Variants in DNAH10 observed in about 807,000 individuals in gnomAD.
DNAH10 encodes the protein dynein axonemal heavy chain 10.
In DNAH10, 348 loss-of-function variants were observed where a neutral mutation model predicts 506.6. That is an observed-to-expected ratio of 0.69 (90% CI 0.63 to 0.75). The LOEUF is 0.75. Ranked by LOEUF, DNAH10 falls within the 30% of genes least tolerant of loss-of-function variation. The probability of loss-of-function intolerance (pLI) is 0.00; values close to 1 mark genes in which losing one functional copy is unlikely to be tolerated. For missense variants in DNAH10, 5,179 were observed against 5,787.1 expected, an observed-to-expected ratio of 0.89 and a Z score of 3.41; for synonymous variants, 2,059 against 2,198.6, an observed-to-expected ratio of 0.94 and a Z score of 1.78.
rs1462948617 is a variant in DNAH10, at chr12:123,934,670, A to T, written c.13527A>T (p.Glu4509Asp). 6.2e-7 allele frequency: 1 copy of T among 1,613,678 alleles called. No individual in the cohort carries two copies. The highest frequency in any genetic ancestry group is 2.2e-5 in the East Asian group (1 of 44,886). ...LYLEGADWDI[E>D]KGCLIKSKPK... ...TGGAAGGTGCTGACTGGGATATAGA[A>T]AAAGGATGTCTTATCAAGAGCAAAC... Residue 4509 changes from glutamate (E) to aspartate (D), a missense_variant, in exon 78 of 79, where the codon GAA (glutamate) becomes GAT (aspartate). Physicochemically the swap from Glu to Asp is conservative, Grantham distance 45. This residue lies in a region of DNAH10 where 4,844 missense variants were observed against 5,430.5 expected (regional missense o/e 0.89). Coordinates refer to ENST00000673944, the MANE Select transcript of DNAH10 (RefSeq NM_001372106.1).
chr12:123,926,647 C>T lies in DNAH10; in HGVS notation c.11932C>T (p.Pro3978Ser). Residue 3978 changes from proline to serine, a missense_variant, in exon 69 of 79, where the codon CCC becomes TCC. Pro to Ser is a moderately conservative substitution (Grantham distance 74). Transcript: ENST00000673944. This position sits in a 1 kb window ranked among gnomAD's most constrained non-coding sequence, Gnocchi z 4.1. ...TVTMGEKYVQPPMISFEAIFE... is the reference protein window; with the variant it reads ...TVTMGEKYVQSPMISFEAIFE... ...TGTTTCTTTCACCAGGTATGTGCAG[C>T]CCCCAATGATCAGCTTTGAAGCTAT... 2 of 1,613,258 alleles carry T rather than the reference C, an allele frequency of 1.2e-6. No homozygotes were observed. The highest frequency in any genetic ancestry group is 8.5e-7 in the Non-Finnish European group (1 of 1,179,564).
chr12:123,839,227 A>C (rs914966897), intron 29 of DNAH10, among the ~76,000 whole-genome samples: 9 of 149,658 alleles, frequency 6.0e-5, no homozygotes, highest in South Asian at 2.1e-4. Context: ...AAAAAAAAAA[A>C]AAAACAAAAA....
chr12:123,850,797 C>T lies in DNAH10; in HGVS notation c.6103-91C>T, dbSNP rs546436333. On this transcript the variant is annotated intron_variant, in intron 34 of 78. Coordinates refer to ENST00000673944, the MANE Select transcript of DNAH10 (RefSeq NM_001372106.1). This position sits in a 1 kb window ranked among gnomAD's most constrained non-coding sequence, Gnocchi z 5.5. The stretch of plus-strand genomic sequence containing the variant: ...TCAGCCTCATACCATGAAAATGAAT[C>T]GCCACGCAGCTCGCCGCAGGCCCCC... The T allele has an allele frequency of 9.9e-6, 13 of 1,307,166 alleles. No individual in the cohort carries two copies. The highest frequency in any genetic ancestry group is 5.8e-5 in the South Asian group (4 of 69,310). The allele number at this position is 1,307,166 out of a possible 1,614,324, so 81.0% of individuals were successfully genotyped here.
Position 123,916,634 on chromosome 12 carries a change from G to T in DNAH10, c.10900G>T (p.Val3634Leu). 6.2e-7 allele frequency: 1 copy of T among 1,613,906 alleles called. No homozygotes were observed. Among genetic ancestry groups the T allele is most frequent in the Non-Finnish European group, 8.5e-7 (1 of 1,179,866 alleles). Reference protein sequence around the residue: ...RQFIILGDKEVDYDSNFRLYL... With the variant: ...RQFIILGDKELDYDSNFRLYL... Reference sequence around the variant, plus strand: ...GTTTATTATCCTGGGAGACAAGGAAGTGGACTATGATTCAAATTTCAGACT... The same window carrying T: ...GTTTATTATCCTGGGAGACAAGGAATTGGACTATGATTCAAATTTCAGACT... Residue 3634 changes from valine (V) to leucine (L), a missense_variant, in exon 63 of 79, where the codon GTG (valine) becomes TTG (leucine). Around this residue, in one of 3 missense-constraint regions of DNAH10, gnomAD observed 4,844 missense variants for 5,430.5 expected, o/e 0.89. Coordinates refer to ENST00000673944, the MANE Select transcript of DNAH10 (RefSeq NM_001372106.1). This position sits in a 1 kb window ranked among gnomAD's most constrained non-coding sequence, Gnocchi z 4.6.
chr12:123,865,979 C>G lies in DNAH10; in HGVS notation c.7073C>G (p.Ala2358Gly). 6.2e-7 allele frequency: 1 copy of G among 1,608,192 alleles called. No homozygotes were observed. Among genetic ancestry groups the G allele is most frequent in the Non-Finnish European group, 8.5e-7 (1 of 1,178,096 alleles). ...EVGDLQYASP[A>G]TVSRCGMVYV... ...GGAGATTTACAGTATGCCTCCCCTG[C>G]AACTGTCTCTCGATGTGGAATGGTT... The change falls in exon 41 of 79, where the codon GCA becomes GGA. Residue 2358 changes from alanine (A) to glycine (G), a missense_variant. Physicochemically the swap from Ala to Gly is moderately conservative, Grantham distance 60. Transcript: ENST00000673944.
chr12:123,817,903 G>A (rs1182315351), intron 21 of DNAH10, among the ~76,000 whole-genome samples: 1 of 150,562 alleles, frequency 6.6e-6, no homozygotes, highest in Non-Finnish European at 1.5e-5. Flanking sequence ...CTGGGCTTTA[G>A]TTTATGAAGG....
rs556308524 is a variant in DNAH10, at chr12:123,841,529, T to C, written c.5344T>C (p.Cys1782Arg). 2.6e-5 allele frequency: 42 copies of C among 1,613,808 alleles called. No homozygotes were observed. The highest frequency in any genetic ancestry group is 3.3e-5 in the Non-Finnish European group (39 of 1,179,862). ...TACCAAAGAGGCTATTTTTAGATAC[T>C]GTGAAGACAGAAGCAGGTAAGGCTG... The part of the protein sequence containing the change: ...LITKEAIFRY[C>R]EDRSRVDWML... Residue 1782 changes from cysteine (C) to arginine (R), a missense_variant, in exon 30 of 79, where the codon TGT (cysteine) becomes CGT (arginine). By Grantham distance (180) the Cys-to-Arg change is radical (BLOSUM62 -3). This residue lies in a region of DNAH10 where 4,844 missense variants were observed against 5,430.5 expected (regional missense o/e 0.89). Coordinates refer to ENST00000673944, the MANE Select transcript of DNAH10 (RefSeq NM_001372106.1).
intron 30 of DNAH10, among the ~76,000 whole-genome samples, chr12:123,842,278 C>A (rs749427329): frequency 6.6e-6 from 1 of 152,192 alleles, no homozygotes; most frequent in Admixed American, 6.5e-5. Context: ...GTGTATGTAA[C>A]GTTGTTTCTA....
intron 39 of DNAH10, among the ~76,000 whole-genome samples, chr12:123,864,143 C>CTT (rs770676668): frequency 0.075 from 8,746 of 117,090 alleles, 546 homozygotes; most frequent in Non-Finnish European, 0.11. Context: ...ACTTTTTTTT[C>CTT]TTTTTTTTTT....
At chr12:123,872,835 A>G (rs1035769870) in intron 45 of DNAH10, among the ~76,000 whole-genome samples, 2 of 152,146 alleles carry the variant, frequency 1.3e-5, no homozygotes, top group African/African-American at 4.8e-5. Flanking sequence ...AAACAAAAAC[A>G]CCCTGATCTA....
chr12:123,886,488 T>TGC (rs1283019374), intron 51 of DNAH10, among the ~76,000 whole-genome samples: 6 of 148,342 alleles, frequency 4.0e-5, no homozygotes, highest in South Asian at 2.2e-4. Flanking sequence ...CGCGTGTGTG[T>TGC]GCACACGTGT....
Position 123,877,758 on chromosome 12 carries a change from CTG to C in DNAH10, c.8225_8226del (p.Val2742GlufsTer40). 6.2e-7 allele frequency: 1 copy of C among 1,613,482 alleles called. No homozygotes were observed. Among genetic ancestry groups the C allele is most frequent in the Non-Finnish European group, 8.5e-7 (1 of 1,179,668 alleles). On this transcript the variant is annotated frameshift_variant, in exon 48 of 79. Transcript: ENST00000673944. LOFTEE classifies it high-confidence loss of function. ...CAGACGTTTCATGAGAGCATTGTGGCTGTGAGTGGCAAGCTGACATTCTGCAC... is the reference window on the plus strand; with the variant it reads ...CAGACGTTTCATGAGAGCATTGTGGCTGAGTGGCAAGCTGACATTCTGCAC...
chr12:123,826,238 C>G (rs1158297509), intron 24 of DNAH10, among the ~76,000 whole-genome samples: 1 of 152,118 alleles, frequency 6.6e-6, no homozygotes, highest in African/African-American at 2.4e-5. Flanking sequence ...TAGCCTCAAC[C>G]TGATGGTTTG....
At chr12:123,827,832 G>A (rs1344583287) in intron 25 of DNAH10, among the ~76,000 whole-genome samples, 2 of 152,126 alleles carry the variant, frequency 1.3e-5, no homozygotes, top group Non-Finnish European at 2.9e-5. Context: ...CAGCCCTCAG[G>A]CCCTGGTGAC....
intron 44 of DNAH10, among the ~76,000 whole-genome samples, 173 bp downstream of exon 44, chr12:123,870,658 G>A (rs571800183): frequency 3.3e-5 from 5 of 152,214 alleles, no homozygotes; most frequent in African/African-American, 9.6e-5. Flanking sequence ...GAGGGTGGCC[G>A]CTTTGGTATT....
intron 71 of DNAH10, 63 bp from the exon 72 acceptor site, chr12:123,929,601 A>G: frequency 6.3e-7 from 1 of 1,577,994 alleles, no homozygotes; most frequent in South Asian, 1.2e-5. Flanking sequence ...TTTTCAGAAA[A>G]GTATCAGAAT....
intron 18 of DNAH10, among the ~76,000 whole-genome samples, 199 bp from the exon 19 acceptor site, chr12:123,808,598 G>T (rs1296952299): frequency 5.3e-5 from 8 of 152,124 alleles, no homozygotes; most frequent in Non-Finnish European, 8.8e-5. Context: ...TTCCAAAAGT[G>T]GAAATGAACT....
At chr12:123,777,950 A>G (rs1957502706) in intron 5 of DNAH10, among the ~76,000 whole-genome samples, 1 of 152,162 alleles carries the variant, frequency 6.6e-6, no homozygotes, top group Non-Finnish European at 1.5e-5. Context: ...GGCATGAGCC[A>G]CCATATCTGG....
chr12:123,926,066 T>TA lies in DNAH10; in HGVS notation c.11922-565dup. On this transcript the variant is annotated intron_variant, in intron 68 of 78. Transcript: ENST00000673944. The surrounding 1 kb of genome is among the most constrained non-coding windows in gnomAD (Gnocchi z 4.1). ...ATAGTGAGATACTGCCTCTAAAAAA[T>TA]AAAAAATAAAAAAGAATTAGCCAGG... 1 of 149,872 alleles carries TA rather than the reference T, an allele frequency of 6.7e-6. No homozygotes were observed. Among genetic ancestry groups the TA allele is most frequent in the South Asian group, 2.1e-4 (1 of 4,726 alleles). The allele number at this position is 149,872 out of a possible 1,614,324, so 9.3% of individuals were successfully genotyped here.
Sources: allele counts gnomAD v4.1 joint callset (sites outside exome capture counted in the v4.1 genomes callset), GRCh38; gene constraint gnomAD v4.1.1; regional missense constraint gnomAD v4.1.1; non-coding constraint Gnocchi (gnomAD v3.1); transcripts MANE v1.5; gene names NCBI Gene and HGNC (gene_info 2026-07-23, HGNC 2026-07-21).